DAB1: variants seen among roughly 807,000 people sequenced by gnomAD.
DAB1 encodes the protein disabled homolog 1.
A neutral mutation model predicts 64.6 loss-of-function variants in DAB1; 15 were observed. That is an observed-to-expected ratio of 0.23 (90% confidence interval 0.16 to 0.36). DAB1 has a LOEUF of 0.36. Ranked by LOEUF, DAB1 falls within the 10% of genes least tolerant of loss-of-function variation. The pLI, the probability that DAB1 is intolerant of heterozygous loss-of-function variation, is 1.00. For synonymous variants in DAB1, 235 were observed against 251.9 expected (o/e 0.93, Z 0.64); for missense variants, 596 against 706.7 (o/e 0.84, Z 1.78).
chr1:57,417,825 C>A (rs1684601623), intron 1 of DAB1, among the ~76,000 whole-genome samples: 1 of 152,106 alleles, frequency 6.6e-6, no homozygotes, highest in Non-Finnish European at 1.5e-5. Flanking sequence ...CAATTATGCC[C>A]ATCCCTAAGT....
At chr1:57,906,354 A>G (rs959740897) in intron 5 of DAB1, among the ~76,000 whole-genome samples, 1 of 152,218 alleles carries the variant, frequency 6.6e-6, no homozygotes. Context: ...TTCATTGAAC[A>G]TGAGGAAAAT....
chr1:58,356,375 A>G (rs1485853522), intron 3 of DAB1, among the ~76,000 whole-genome samples: 1 of 152,216 alleles, frequency 6.6e-6, no homozygotes, highest in Non-Finnish European at 1.5e-5. Flanking sequence ...TTTATATTTT[A>G]GAGCGAGACA....
intron 6 of DAB1, among the ~76,000 whole-genome samples, chr1:57,740,661 G>A (rs189711897): frequency 5.7e-4 from 87 of 152,234 alleles, no homozygotes; most frequent in African/African-American, 1.9e-3. Flanking sequence ...CAGATTTGTG[G>A]GGAGGTTAAG....
intron 3 of DAB1, among the ~76,000 whole-genome samples, chr1:58,488,129 T>C (rs1275670531): frequency 6.6e-6 from 1 of 152,182 alleles, no homozygotes; most frequent in Non-Finnish European, 1.5e-5. Context: ...ACAGATTTAG[T>C]AAAAACTCAT....
At chr1:58,078,852 T>C (rs1268680494) in intron 5 of DAB1, among the ~76,000 whole-genome samples, 1 of 152,146 alleles carries the variant, frequency 6.6e-6, no homozygotes, top group African/African-American at 2.4e-5. Context: ...TCATATCTGT[T>C]GTGGAGTTGA....
Position 57,868,148 on chromosome 1 carries a change from T to C in DAB1, n.87+15851A>G, listed in dbSNP as rs116961627. 1.6e-4 allele frequency among the ~76,000 whole-genome samples: 24 copies of C among 152,298 alleles called. No homozygotes were observed. The East Asian group carries it at 3.9e-3, about 25-fold the overall frequency. On this transcript the variant is annotated intron_variant and non_coding_transcript_variant, in intron 1 of 1. Coordinates refer to the DAB1 transcript ENST00000477280. ...AAAGAAGTGATTAGGTAATTTGTAA[T>C]AAATTCCTCAGCTATGCAGAATTTC...
At chr1:57,037,178 T>C (rs1268067353) in intron 9 of DAB1, among the ~76,000 whole-genome samples, 1 of 152,140 alleles carries the variant, frequency 6.6e-6, no homozygotes, top group Non-Finnish European at 1.5e-5. Context: ...GATTTGCAAA[T>C]CACCATGCTG....
intron 1 of DAB1, among the ~76,000 whole-genome samples, chr1:57,392,047 A>G (rs1462111816): frequency 2.0e-5 from 3 of 152,184 alleles, no homozygotes; most frequent in Non-Finnish European, 4.4e-5. Flanking sequence ...TTCAAACAGC[A>G]GAAGTCAGCC....
chr1:58,179,443 C>T (rs1486744930), intron 4 of DAB1, among the ~76,000 whole-genome samples: 3 of 152,016 alleles, frequency 2.0e-5, no homozygotes, highest in South Asian at 4.1e-4. Flanking sequence ...TGTTAGAATT[C>T]GCCAGTAAAG....
intron 12 of DAB1, among the ~76,000 whole-genome samples, chr1:57,013,614 A>C (rs1646331809): frequency 6.6e-6 from 1 of 152,156 alleles, no homozygotes; most frequent in South Asian, 2.1e-4. Flanking sequence ...TTGTATTAAC[A>C]TTAGGGGTGT....
rs546049511 is a variant in DAB1 at position 57,087,301 on chromosome 1, T to A, written c.307-14887A>T. Among the ~76,000 whole-genome samples the A allele has an allele frequency of 2.0e-5, 3 of 152,316 alleles. No homozygotes were observed. The East Asian group carries it at 5.8e-4, about 29-fold the overall frequency. On this transcript the variant is annotated intron_variant, in intron 4 of 14. Transcript: ENST00000371236. ...TGGCAAGTTCTCAGAGAGATGGAGA[T>A]GCAGAGCCTGGGCTGGGGGATCACG...
At chr1:58,142,080 C>T (rs1654316128) in intron 5 of DAB1, among the ~76,000 whole-genome samples, 1 of 152,074 alleles carries the variant, frequency 6.6e-6, no homozygotes. Context: ...ATGCTGCTTC[C>T]CTTGCTTCAG....
Position 57,071,079 on chromosome 1 carries a change from G to C in DAB1, c.559-18C>G, listed in dbSNP as rs751691975. ...AATATTGTCTATTGCAGAGTAAGGAGAGGGAGGGTGAAAAGCAGAGGACAT... is the reference window on the plus strand; with the variant it reads ...AATATTGTCTATTGCAGAGTAAGGACAGGGAGGGTGAAAAGCAGAGGACAT... On this transcript the variant is annotated intron_variant, in intron 6 of 14. Coordinates refer to ENST00000371236, the MANE Select transcript of DAB1 (RefSeq NM_001365792.1). 6.2e-7 allele frequency: 1 copy of C among 1,609,108 alleles called. No homozygotes were observed. The highest frequency in any genetic ancestry group is 8.5e-7 in the Non-Finnish European group (1 of 1,175,652).
At chr1:58,376,472 C>T (rs1248032874) in intron 3 of DAB1, among the ~76,000 whole-genome samples, 1 of 139,062 alleles carries the variant, frequency 7.2e-6, no homozygotes, top group African/African-American at 2.7e-5. Flanking sequence ...GTTCAGTTTC[C>T]ATGTAGTTGA....
chr1:57,475,708 T>C (rs963124724), intron 7 of DAB1, among the ~76,000 whole-genome samples: 1 of 152,186 alleles, frequency 6.6e-6, no homozygotes, highest in Non-Finnish European at 1.5e-5. Flanking sequence ...GGCTCCTAAG[T>C]CCAGGCCTTT....
At chr1:57,946,776 T>C (rs1441115474) in intron 5 of DAB1, among the ~76,000 whole-genome samples, 1 of 152,190 alleles carries the variant, frequency 6.6e-6, no homozygotes, top group Non-Finnish European at 1.5e-5. Context: ...TCTTTTTGGT[T>C]ATTCTAAGTC....
At chr1:57,876,999 A>T (rs935527892) in intron 1 of DAB1, among the ~76,000 whole-genome samples, 1 of 152,132 alleles carries the variant, frequency 6.6e-6, no homozygotes, top group Non-Finnish European at 1.5e-5. Flanking sequence ...GCACCCCTCC[A>T]AACTTGGTGG....
At chr1:58,447,857 C>CAAA (rs67071278) in intron 3 of DAB1, among the ~76,000 whole-genome samples, 1,337 of 43,874 alleles carry the variant, frequency 0.03, 25 homozygotes, top group African/African-American at 0.063. Flanking sequence ...ATGACTTAAA[C>CAAA]AAAAAAAAAA....
chr1:57,635,604 C>T (rs1293599784), intron 7 of DAB1, among the ~76,000 whole-genome samples: 2 of 152,098 alleles, frequency 1.3e-5, no homozygotes, highest in Non-Finnish European at 2.9e-5. Flanking sequence ...CCCACTGATT[C>T]TACATTATGG....
Sources: gnomAD v4.1 joint callset for allele counts (sites outside exome capture counted in the v4.1 genomes callset) on GRCh38, gnomAD v4.1.1 for gene constraint, MANE v1.5 for transcripts, NCBI Gene and HGNC (gene_info 2026-07-23, HGNC 2026-07-21) for gene names.